Variants in TMC1 observed in about 807,000 individuals in gnomAD.
TMC1 encodes transmembrane channel-like protein 1.
A neutral mutation model predicts 105.8 loss-of-function variants in TMC1; 84 were observed. The observed-to-expected ratio is 0.79, with a 90% CI of 0.67 to 0.95. The LOEUF (loss-of-function observed/expected upper bound fraction) is 0.95. TMC1 is among the 40% of genes least tolerant of loss of function. The probability of loss-of-function intolerance (pLI) is 0.00; values close to 1 mark genes in which losing one functional copy is unlikely to be tolerated. For synonymous variants in TMC1, 315 were observed against 311.5 expected (o/e 1.01, Z -0.12); for missense variants, 817 against 914.1 (o/e 0.89, Z 1.37).
At chr9:72,603,751 T>C (rs376555000) in intron 2 of TMC1, among the ~76,000 whole-genome samples, 8 of 151,802 alleles carry the variant, frequency 5.3e-5, no homozygotes, top group East Asian at 1.9e-4. Flanking sequence ...GGTTTCACCA[T>C]GTTGGCTGGT....
intron 10 of TMC1, among the ~76,000 whole-genome samples, chr9:72,751,113 T>C (rs972853837): frequency 6.6e-6 from 1 of 152,246 alleles, no homozygotes; most frequent in Non-Finnish European, 1.5e-5. Context: ...TCTACATCTA[T>C]AGCTAATGTC....
intron 1 of TMC1, among the ~76,000 whole-genome samples, chr9:72,573,355 T>C (rs1424412688): frequency 6.6e-6 from 1 of 152,206 alleles, no homozygotes; most frequent in Non-Finnish European, 1.5e-5. Context: ...CAGTGTGTTC[T>C]CCTCTAAATA....
chr9:72,779,131 C>T (rs1828051855), intron 13 of TMC1, among the ~76,000 whole-genome samples: 1 of 152,174 alleles, frequency 6.6e-6, no homozygotes, highest in Non-Finnish European at 1.5e-5. Context: ...AAGCTGTGTG[C>T]CTGGTCCTAT....
intron 12 of TMC1, among the ~76,000 whole-genome samples, chr9:72,770,609 T>C (rs769495121): frequency 3.2e-4 from 49 of 151,784 alleles, no homozygotes; most frequent in Non-Finnish European, 5.7e-4. Context: ...TAAGTTAATA[T>C]AAATAATAGA....
chr9:72,833,525 T>G (rs1433009247), intron 23 of TMC1, among the ~76,000 whole-genome samples: 1 of 152,200 alleles, frequency 6.6e-6, no homozygotes, highest in Non-Finnish European at 1.5e-5. Context: ...CTCTGTCACT[T>G]TATCCTGTTT....
At position 72,772,524 on chromosome 9, in the gene TMC1, A is replaced by G; in HGVS notation, c.853A>G (p.Ile285Val). 1 of 1,613,904 alleles carries G rather than the reference A, an allele frequency of 6.2e-7. No homozygotes were observed. Among genetic ancestry groups the G allele is most frequent in the East Asian group, 2.2e-5 (1 of 44,860 alleles). The change falls in exon 13 of 24, where the codon ATT becomes GTT. Residue 285 changes from isoleucine to valine, a missense_variant. Physicochemically the swap from Ile to Val is conservative, Grantham distance 29. Transcript: ENST00000297784. ...LSYFLVGIMC[I>V]GYSFLVVLKA... ...CTATTTTCTAGTGGGGATTATGTGCATTGGATACAGCTTTCTGGTTGTCCT... is the reference window on the plus strand; with the variant it reads ...CTATTTTCTAGTGGGGATTATGTGCGTTGGATACAGCTTTCTGGTTGTCCT...
intron 8 of TMC1, among the ~76,000 whole-genome samples, chr9:72,721,287 A>AC (rs1827020757): frequency 6.6e-6 from 1 of 152,118 alleles, no homozygotes; most frequent in Non-Finnish European, 1.5e-5. Context: ...AACCTTTACC[A>AC]GCTGAGAGCC....
intron 12 of TMC1, among the ~76,000 whole-genome samples, chr9:72,771,106 A>C (rs1827917702): frequency 6.6e-6 from 1 of 152,216 alleles, no homozygotes; most frequent in Non-Finnish European, 1.5e-5. Context: ...TGAAAAATGC[A>C]GATACAGGCC....
chr9:72,614,985 T>C (rs1317061567), intron 2 of TMC1, among the ~76,000 whole-genome samples: 1 of 152,186 alleles, frequency 6.6e-6, no homozygotes, highest in Non-Finnish European at 1.5e-5. Flanking sequence ...CAGCCAGTTA[T>C]AGGATAGCTT....
intron 23 of TMC1, among the ~76,000 whole-genome samples, chr9:72,832,764 A>G (rs1283360361): frequency 6.6e-6 from 1 of 152,144 alleles, no homozygotes; most frequent in Non-Finnish European, 1.5e-5. Flanking sequence ...ACAGTGATGT[A>G]CAGTTATCAG....
At chr9:72,596,539 T>TA (rs35140344) in intron 2 of TMC1, among the ~76,000 whole-genome samples, 20,463 of 101,902 alleles carry the variant, frequency 0.2, 2,173 homozygotes, top group East Asian at 0.35. Flanking sequence ...GTTTCAATTG[T>TA]AAAAAAAAAA....
rs115862366 is a variant in TMC1 at position 72,653,665 on chromosome 9, A to C, written c.16+5001A>C. Reference sequence around the variant, plus strand: ...TATACATTTAAAATGACAATTTGACAAGTTTTGACAAATGTATATACATTA... The same window carrying C: ...TATACATTTAAAATGACAATTTGACCAGTTTTGACAAATGTATATACATTA... On this transcript the variant is annotated intron_variant, in intron 5 of 23. Coordinates refer to ENST00000297784, the MANE Select transcript of TMC1 (RefSeq NM_138691.3). 7.4e-3 allele frequency among the ~76,000 whole-genome samples: 1,120 copies of C among 152,262 alleles called. 21 individuals are homozygous for C. The highest frequency in any genetic ancestry group is 0.026 in the African/African-American group (1,067 of 41,552).
chr9:72,691,106 CTG>C (rs1826459618), intron 6 of TMC1, among the ~76,000 whole-genome samples: 1 of 152,048 alleles, frequency 6.6e-6, no homozygotes, highest in Admixed American at 6.6e-5. Flanking sequence ...TGTTAGACCT[CTG>C]TAGTGAATTT....
rs142940407 is a variant in TMC1 at position 72,557,136 on chromosome 9, T to C, written c.-427-20766T>C. On this transcript the variant is annotated intron_variant, in intron 1 of 23. Transcript: ENST00000297784. ...CTATCATCCCAGCACTTTGGGAGGC[T>C]GAGGCGAGTGGATCACCTGAGGCCA... is the stretch of plus-strand genomic sequence containing the variant. Among the ~76,000 whole-genome samples, 946 of 152,282 alleles carry C rather than the reference T, an allele frequency of 6.2e-3. 13 individuals carry two copies. Among genetic ancestry groups the C allele is most frequent in the African/African-American group, 0.022 (911 of 41,570 alleles).
intron 14 of TMC1, among the ~76,000 whole-genome samples, chr9:72,788,720 T>C (rs2118179323): frequency 6.6e-6 from 1 of 152,304 alleles, no homozygotes; most frequent in African/African-American, 2.4e-5. Context: ...TAAAATAATG[T>C]TACTGGATTG....
At chr9:72,676,609 C>T (rs370969944) in intron 5 of TMC1, among the ~76,000 whole-genome samples, 1 of 152,152 alleles carries the variant, frequency 6.6e-6, no homozygotes. Flanking sequence ...AAAACTCAAA[C>T]ATGTCTCTGT....
At chr9:72,787,079 A>G (rs1463904884) in intron 13 of TMC1, among the ~76,000 whole-genome samples, 1 of 151,412 alleles carries the variant, frequency 6.6e-6, no homozygotes, top group African/African-American at 2.4e-5. Context: ...TAGCTTGAGC[A>G]CTGGAGCAAA....
chr9:72,751,209 T>C (rs377489428), intron 10 of TMC1, among the ~76,000 whole-genome samples: 4 of 152,244 alleles, frequency 2.6e-5, no homozygotes, highest in African/African-American at 7.2e-5. Context: ...AGTTCTATTA[T>C]AGCAGCACCC....
chr9:72,584,493 C>T (rs1413938658), intron 2 of TMC1, among the ~76,000 whole-genome samples: 1 of 152,022 alleles, frequency 6.6e-6, no homozygotes, highest in African/African-American at 2.4e-5. Flanking sequence ...TCTTGAACTC[C>T]TGAGCTCAAG....
Sources: allele counts gnomAD v4.1 joint callset (sites outside exome capture counted in the v4.1 genomes callset), GRCh38; gene constraint gnomAD v4.1.1; transcripts MANE v1.5; gene names NCBI Gene and HGNC (gene_info 2026-07-23, HGNC 2026-07-21).